The following FAM20B variants were observed in gnomAD, a reference collection of about 807,000 sequenced individuals.
FAM20B encodes glycosaminoglycan xylosylkinase.
FAM20B carries 23 observed loss-of-function variants against 43.8 expected under a neutral mutation model. The ratio of observed to expected loss-of-function variants is 0.53; its 90% confidence interval spans 0.38 to 0.74. The LOEUF (loss-of-function observed/expected upper bound fraction) is 0.74, where lower values mean the gene tolerates loss of function less well. FAM20B is among the 30% of genes least tolerant of loss of function. The pLI, the probability that FAM20B is intolerant of heterozygous loss-of-function variation, is 0.00. For missense variants in FAM20B, 440 were observed against 510.5 expected, an observed-to-expected ratio of 0.86 and a Z score of 1.33; for synonymous variants, 178 against 192.4, an observed-to-expected ratio of 0.93 and a Z score of 0.62.
intron 1 of FAM20B, among the ~76,000 whole-genome samples, chr1:179,040,367 C>T (rs1650438220): frequency 6.6e-6 from 1 of 151,566 alleles, no homozygotes; most frequent in African/African-American, 2.4e-5. Context: ...GGGGGCCAAC[C>T]CCCCCACTTC....
intron 7 of FAM20B, among the ~76,000 whole-genome samples, chr1:179,067,164 A>G (rs1449106374): frequency 6.6e-6 from 1 of 152,146 alleles, no homozygotes; most frequent in Non-Finnish European, 1.5e-5. Context: ...GCCAAAAAAA[A>G]AAAAAGGAGT....
intron 1 of FAM20B, among the ~76,000 whole-genome samples, chr1:179,038,901 C>T (rs545845082): frequency 2.0e-5 from 3 of 152,340 alleles, no homozygotes; most frequent in Non-Finnish European, 4.4e-5. Context: ...CTTTCTGCTT[C>T]CTTCATGAAC....
At chr1:179,021,733 T>TA (rs1194139799), upstream of FAM20B, among the ~76,000 whole-genome samples, 1 of 152,158 alleles carries the variant, frequency 6.6e-6, no homozygotes, top group Non-Finnish European at 1.5e-5. Context: ...ATTTTCAGAA[T>TA]AAAAAAGAAA....
In FAM20B at chr1:179,046,889, G is replaced by A. The variant is rs149648832; in HGVS notation, c.377+2665G>A. Among the ~76,000 whole-genome samples the A allele has an allele frequency of 6.8e-3, 1,026 of 151,762 alleles. 11 individuals are homozygous for A. The highest frequency in any genetic ancestry group is 0.024 in the African/African-American group (976 of 41,346). On this transcript the variant is annotated intron_variant, in intron 2 of 7. Coordinates refer to ENST00000263733, the MANE Select transcript of FAM20B (RefSeq NM_014864.4). ...CACGTGCCTGTAATCCCAGCTACTC[G>A]GAAGGCTGAGGCAGGAGAATCGCTT... is the stretch of plus-strand genomic sequence containing the variant.
chr1:179,050,761 T>G (rs141955464), intron 3 of FAM20B, among the ~76,000 whole-genome samples: 1 of 152,218 alleles, frequency 6.6e-6, no homozygotes, highest in African/African-American at 2.4e-5. Context: ...TGGAAACATA[T>G]AGCATGAAAT....
At chr1:179,068,046 A>G (rs1232763002) in intron 7 of FAM20B, among the ~76,000 whole-genome samples, 1 of 152,118 alleles carries the variant, frequency 6.6e-6, no homozygotes, top group African/African-American at 2.4e-5. Context: ...TACAGGCGTG[A>G]GCCACCGCGC....
At chr1:179,020,009 G>A in the FAM20B span, among the ~76,000 whole-genome samples, 137 of 152,236 alleles carry the variant, frequency 9.0e-4, no homozygotes, top group African/African-American at 3.2e-3. Context: ...CCACTGTGTT[G>A]AGTACCTTGT....
intron 4 of FAM20B, among the ~76,000 whole-genome samples, chr1:179,057,678 G>C (rs138451454): frequency 0.014 from 2,072 of 152,306 alleles, 22 homozygotes; most frequent in Non-Finnish European, 0.021. Flanking sequence ...TTAGCTTATA[G>C]TCTTTATTTA....
intron 1 of FAM20B, among the ~76,000 whole-genome samples, chr1:179,030,464 G>GA (rs1462626626): frequency 1.3e-5 from 2 of 152,128 alleles, no homozygotes; most frequent in Non-Finnish European, 2.9e-5. Context: ...TTTCCAAATT[G>GA]TCTTTACTCT....
upstream of FAM20B, among the ~76,000 whole-genome samples, chr1:179,021,547 T>C (rs1649604715): frequency 6.6e-6 from 1 of 152,194 alleles, no homozygotes; most frequent in Non-Finnish European, 1.5e-5. Context: ...GTGTACACTT[T>C]GGGGTAGTTA....
chr1:179,028,179 G>A (rs116774799), intron 1 of FAM20B, among the ~76,000 whole-genome samples: 3,180 of 152,302 alleles, frequency 0.021, 51 homozygotes, highest in Middle Eastern at 0.088. Flanking sequence ...TACTTCAGCT[G>A]TTGAATTGAT....
intron 1 of FAM20B, among the ~76,000 whole-genome samples, chr1:179,030,157 G>A (rs558665270): frequency 6.6e-6 from 1 of 152,118 alleles, no homozygotes; most frequent in Admixed American, 6.5e-5. Flanking sequence ...TGTTCTACCT[G>A]CTCTTCTCCA....
At chr1:179,044,628 A>C (rs1330515874) in intron 2 of FAM20B, among the ~76,000 whole-genome samples, 1 of 152,208 alleles carries the variant, frequency 6.6e-6, no homozygotes, top group Non-Finnish European at 1.5e-5. Context: ...GTGGCATGAT[A>C]GTTCATTTGT....
rs778883078 is a variant in FAM20B at position 179,044,032 on chromosome 1, C to G, written c.185C>G (p.Ser62Cys). The G allele has an allele frequency of 1.9e-6, 3 of 1,614,160 alleles. No homozygotes were observed. Among genetic ancestry groups the G allele is most frequent in the Non-Finnish European group, 8.5e-7 (1 of 1,180,020 alleles). Residue 62 changes from serine (S) to cysteine (C), a missense_variant, in exon 2 of 8, where the codon TCT becomes TGT. Ser to Cys is a moderately radical substitution (Grantham distance 112, BLOSUM62 -1). Coordinates refer to ENST00000263733, the MANE Select transcript of FAM20B (RefSeq NM_014864.4). ...CCCAAGCTGGACCATACCTTGCAGT[C>G]TCCCTGGGAGATTGCAGCCCAGTGG... ...LAPKLDHTLQ[S>C]PWEIAAQWVV... is the part of the protein sequence containing the mutation.
intron 1 of FAM20B, among the ~76,000 whole-genome samples, chr1:179,029,744 C>G (rs1649930760): frequency 6.6e-6 from 1 of 152,188 alleles, no homozygotes; most frequent in African/African-American, 2.4e-5. Flanking sequence ...GTCTATCATT[C>G]CATGCTCTCA....
intron 2 of FAM20B, among the ~76,000 whole-genome samples, chr1:179,046,952 G>A (rs555515098): frequency 1.3e-5 from 2 of 150,376 alleles, no homozygotes; most frequent in South Asian, 2.1e-4. Context: ...CCGAGATCAC[G>A]CCATTGCACT....
At position 179,065,253 on chromosome 1, in the gene FAM20B, C is replaced by A. The variant is rs201420123; in HGVS notation, c.938+757C>A. Among the ~76,000 whole-genome samples, 5 of 151,900 alleles carry A rather than the reference C, an allele frequency of 3.3e-5. No homozygotes were observed. The South Asian group carries it at 1.0e-3, about 32-fold the overall frequency. ...GCAACTTCTGTCTCCTGGGTTCAAG[C>A]GATTCTCCACCCTCAGCCTCCTGAG... is the stretch of plus-strand genomic sequence containing the variant. On this transcript the variant is annotated intron_variant, in intron 6 of 7. Transcript: ENST00000263733.
chr1:179,063,847 C>T, intron 4 of FAM20B, 80 bp from the exon 5 acceptor site: 1 of 983,470 alleles, frequency 1.0e-6, no homozygotes, highest in Non-Finnish European at 1.5e-6. Context: ...TACTTAGCTA[C>T]TCTGTTCTGC....
chr1:179,040,129 C>T (rs577446629), intron 1 of FAM20B, among the ~76,000 whole-genome samples: 1 of 152,356 alleles, frequency 6.6e-6, no homozygotes, highest in Non-Finnish European at 1.5e-5. Flanking sequence ...CCCATGTCCA[C>T]CTCCTTCTAC....
Sources: allele counts gnomAD v4.1 joint callset (sites outside exome capture counted in the v4.1 genomes callset), GRCh38; gene constraint gnomAD v4.1.1; transcripts MANE v1.5; gene names NCBI Gene and HGNC (gene_info 2026-07-23, HGNC 2026-07-21).